Variants in LAMC2 observed in about 807,000 individuals in gnomAD.
LAMC2 encodes laminin subunit gamma 2.
LAMC2 carries 97 observed loss-of-function variants against 140.2 expected under a neutral mutation model. The ratio of observed to expected loss-of-function variants is 0.69; its 90% CI spans 0.59 to 0.82. LAMC2 has a LOEUF of 0.82. Among genes scored for constraint, LAMC2 ranks in the 40% least tolerant of loss-of-function variants. The pLI, the probability that LAMC2 is intolerant of heterozygous loss-of-function variation, is 0.00. For missense variants in LAMC2, 1,402 were observed against 1,476.1 expected (o/e 0.95, Z 0.82); for synonymous variants, 513 against 540.2 (o/e 0.95, Z 0.70).
At chr1:183,240,454 T>C in intron 22 of LAMC2, 63 bp downstream of exon 22, 1 of 1,599,246 alleles carries the variant, frequency 6.3e-7, no homozygotes, top group Non-Finnish European at 8.5e-7. Flanking sequence ...TCCAGAACAC[T>C]CACTATACCT....
At chr1:183,190,473 T>C (rs1050528511) in intron 1 of LAMC2, among the ~76,000 whole-genome samples, 2 of 151,908 alleles carry the variant, frequency 1.3e-5, no homozygotes, top group Non-Finnish European at 2.9e-5. Flanking sequence ...CTGGATCTCG[T>C]ATCATTCCTT....
chr1:183,227,729 T>G (rs115195473), intron 10 of LAMC2, 32 bp downstream of exon 10: 1 of 1,601,014 alleles, frequency 6.2e-7, no homozygotes, highest in African/African-American at 1.3e-5. Context: ...GCCACCTGCC[T>G]CTTCCTGTCC....
At chr1:183,206,957 A>C (rs999740882) in intron 1 of LAMC2, among the ~76,000 whole-genome samples, 5 of 152,174 alleles carry the variant, frequency 3.3e-5, no homozygotes, top group African/African-American at 1.2e-4. Flanking sequence ...TGTTTCATGG[A>C]GTGAGTGATG....
intron 7 of LAMC2, among the ~76,000 whole-genome samples, chr1:183,224,118 T>A (rs1659557229): frequency 6.6e-6 from 1 of 152,184 alleles, no homozygotes; most frequent in Non-Finnish European, 1.5e-5. Context: ...AGTGCCCGAT[T>A]CTGCCTGGAG....
chr1:183,222,621 G>C (rs1659509336), intron 6 of LAMC2, among the ~76,000 whole-genome samples: 1 of 151,386 alleles, frequency 6.6e-6, no homozygotes. Context: ...TACGTGCCTT[G>C]GTGGAAAAGC....
downstream of LAMC2, among the ~76,000 whole-genome samples, chr1:183,246,269 C>T (rs1660241340): frequency 6.6e-6 from 1 of 152,028 alleles, no homozygotes; most frequent in Non-Finnish European, 1.5e-5. Flanking sequence ...TATGGTACTT[C>T]CCTTGATGTA....
chr1:183,201,575 A>C (rs1289130944), intron 1 of LAMC2, among the ~76,000 whole-genome samples: 1 of 152,204 alleles, frequency 6.6e-6, no homozygotes. Context: ...AATATGATAC[A>C]TGCTTGACAC....
chr1:183,233,266 AAGG>A (rs1202040127), intron 14 of LAMC2, among the ~76,000 whole-genome samples: 1 of 152,200 alleles, frequency 6.6e-6, no homozygotes, highest in Non-Finnish European at 1.5e-5. Flanking sequence ...ATGAATGAAA[AAGG>A]AAGGAAGGAA....
In LAMC2 at chr1:183,240,177, G is replaced by A. The variant is rs748282223; in HGVS notation, c.3207G>A (p.Thr1069=). ...AAAGGAAGGAGCTGGAGTTTGACAC[G>A]AATATGGATGCAGTACAGATGGTGA... ...ELERKELEFD[T]NMDAVQMVIT... Residue 1069 remains threonine (T), a synonymous_variant, in exon 21 of 23, where the codon ACG becomes ACA. Coordinates refer to ENST00000264144, the MANE Select transcript of LAMC2 (RefSeq NM_005562.3). The A allele has an allele frequency of 5.6e-6, 9 of 1,614,100 alleles. No individual in the cohort carries two copies. Among genetic ancestry groups the A allele is most frequent in the African/African-American group, 4.0e-5 (3 of 74,922 alleles).
At chr1:183,236,839 A>G (rs571016793) in intron 17 of LAMC2, among the ~76,000 whole-genome samples, 3 of 152,318 alleles carry the variant, frequency 2.0e-5, no homozygotes, top group African/African-American at 4.8e-5. Context: ...TAAAAGTTTT[A>G]TGTATCTTCC....
At chr1:183,250,932 C>G in the LAMC2 span, 1 of 152,426 alleles carries the variant, frequency 6.6e-6, no homozygotes, top group Non-Finnish European at 1.5e-5. Context: ...GTAGCTGGTA[C>G]TAGATTTTGA....
Position 183,232,814 on chromosome 1 carries a change from T to C in LAMC2, c.2177T>C (p.Met726Thr). Residue 726 changes from methionine (M) to threonine (T), a missense_variant, in exon 14 of 23, where the codon ATG (methionine) becomes ACG (threonine). Physicochemically the swap from Met to Thr is moderately conservative, Grantham distance 81. Coordinates refer to ENST00000264144, the MANE Select transcript of LAMC2 (RefSeq NM_005562.3). ...VRDTHRLITQ[M>T]QLSLAESEAS... ...GATACTCACAGGCTCATCACTCAGA[T>C]GCAGCTGAGCCTGGCAGAAAGTGAA... 6.2e-7 allele frequency: 1 copy of C among 1,614,150 alleles called. No homozygotes were observed. The highest frequency in any genetic ancestry group is 8.5e-7 in the Non-Finnish European group (1 of 1,179,998).
At chr1:183,223,425 C>T in intron 7 of LAMC2, 101 bp downstream of exon 7, 1 of 1,154,168 alleles carries the variant, frequency 8.7e-7, no homozygotes, top group Non-Finnish European at 1.3e-6. Context: ...TTCAACAAGC[C>T]TTTCTGAGCA....
At chr1:183,251,200 C>G in the LAMC2 span, 1 of 152,202 alleles carries the variant, frequency 6.6e-6, no homozygotes, top group Non-Finnish European at 1.5e-5. Context: ...TCTGGGAACC[C>G]ACTCCCCTAT....
the LAMC2 span, among the ~76,000 whole-genome samples, chr1:183,253,904 CGTGTGTGTGTGT>C: frequency 4.5e-3 from 643 of 144,370 alleles, 3 homozygotes; most frequent in East Asian, 0.014. Flanking sequence ...GTTCCACTTC[CGTGTGTGTGTGT>C]GTGTGTGTGT....
At chr1:183,246,787 G>A (rs1660251474), downstream of LAMC2, among the ~76,000 whole-genome samples, 1 of 152,230 alleles carries the variant, frequency 6.6e-6, no homozygotes, top group South Asian at 2.1e-4. Context: ...TAATGGGAAT[G>A]TTATGGATTC....
chr1:183,232,722 G>C lies in LAMC2; in HGVS notation c.2085G>C (p.Leu695=), dbSNP rs1317720772. 1.2e-6 allele frequency: 2 copies of C among 1,613,930 alleles called. No homozygotes were observed. Among genetic ancestry groups the C allele is most frequent in the Non-Finnish European group, 1.7e-6 (2 of 1,179,968 alleles). The part of the protein sequence containing the change: ...RSQENSYQSR[L]DDLKMTVERV... ...AAGAGAACAGCTACCAGAGCCGCCT[G>C]GATGACCTCAAGATGACTGTGGAAA... The change falls in exon 14 of 23, where the codon CTG becomes CTC. Residue 695 remains leucine (L), a synonymous_variant. Coordinates refer to ENST00000264144, the MANE Select transcript of LAMC2 (RefSeq NM_005562.3).
chr1:183,226,825 T>C lies in LAMC2; in HGVS notation c.1194T>C (p.Ser398=). The change falls in exon 9 of 23, where the codon TCT becomes TCC. Residue 398 remains serine (S), a synonymous_variant. Coordinates refer to ENST00000264144, the MANE Select transcript of LAMC2 (RefSeq NM_005562.3). Reference sequence around the variant, plus strand: ...GGCAATTCTGCCAGGATTGTGCTTCTGGCTACAAGAGAGATTCAGCGAGAC... The same window carrying C: ...GGCAATTCTGCCAGGATTGTGCTTCCGGCTACAAGAGAGATTCAGCGAGAC... ...YKGQFCQDCA[S]GYKRDSARLG... The C allele has an allele frequency of 6.2e-7, 1 of 1,614,218 alleles. No individual in the cohort carries two copies. Among genetic ancestry groups the C allele is most frequent in the Non-Finnish European group, 8.5e-7 (1 of 1,180,042 alleles).
intron 2 of LAMC2, 116 bp from the exon 3 acceptor site, chr1:183,215,337 T>C (rs1659217555): frequency 8.9e-7 from 1 of 1,127,600 alleles, no homozygotes; most frequent in African/African-American, 1.5e-5. Flanking sequence ...AAGCAGCAGA[T>C]GGTGCTTCTT....
Sources: gnomAD v4.1 joint callset for allele counts (sites outside exome capture counted in the v4.1 genomes callset) on GRCh38, gnomAD v4.1.1 for gene constraint, MANE v1.5 for transcripts, NCBI Gene and HGNC (gene_info 2026-07-23, HGNC 2026-07-21) for gene names.